Variants in EYS observed in about 807,000 individuals in gnomAD.
The protein encoded by EYS is protein eyes shut homolog.
Under a neutral mutation model 282.1 loss-of-function variants are expected in EYS, and 250 were observed. That is an observed-to-expected ratio of 0.89 (90% CI 0.80 to 0.98). EYS has a LOEUF of 0.98. Among genes scored for constraint, EYS ranks in the 50% least tolerant of loss-of-function variants. The pLI, the probability that EYS is intolerant of heterozygous loss-of-function variation, is 0.00. For synonymous variants in EYS, 1,355 were observed against 1,282.9 expected, an observed-to-expected ratio of 1.06 and a Z score of -1.20; for missense variants, 4,016 against 3,709.0, an observed-to-expected ratio of 1.08 and a Z score of -2.15.
rs781359405 is a variant in EYS at position 64,997,582 on chromosome 6, G to A, written c.2259C>T (p.Leu753=). Residue 753 remains leucine (L), a splice_region_variant and synonymous_variant, in exon 14 of 43, where the codon CTC becomes CTT. Transcript: ENST00000503581. Reference sequence around the variant, plus strand: ...ATATAAAAAGCCAGTGGATACTAACGAGATGCAGGTCTTTGCAGGTAGAAT... The same window carrying A: ...ATATAAAAAGCCAGTGGATACTAACAAGATGCAGGTCTTTGCAGGTAGAAT... ...EHNSTCKDLH[L]SYQCVCLSDW... The A allele has an allele frequency of 1.3e-4, 202 of 1,550,504 alleles. 1 individual carries two copies. The East Asian group carries it at 2.6e-3, about 20-fold the overall frequency.
intron 40 of EYS, among the ~76,000 whole-genome samples, chr6:63,775,720 T>C (rs1770048881): frequency 6.6e-6 from 1 of 152,114 alleles, no homozygotes; most frequent in Non-Finnish European, 1.5e-5. Context: ...TATTCTTATA[T>C]TGAGATTAGA....
intron 13 of EYS, among the ~76,000 whole-genome samples, chr6:65,010,242 T>C (rs566754383): frequency 1.3e-5 from 2 of 152,310 alleles, no homozygotes; most frequent in South Asian, 4.1e-4. Flanking sequence ...CCTCATGGTT[T>C]ACAGGTAGTG....
At position 65,257,591 on chromosome 6, in the gene EYS, C is replaced by T. The variant is rs199904602; in HGVS notation, c.2023+38272G>A. Among the ~76,000 whole-genome samples, 650 of 150,946 alleles carry T rather than the reference C, an allele frequency of 4.3e-3. 4 individuals are homozygous for T. The East Asian group carries it at 0.046, about 11-fold the overall frequency. ...AGATCAGATAGTTGTAGGTAAGCGG[C>T]GTTATTTCTGAGGGCTCTGTTCTGT... On this transcript the variant is annotated intron_variant, in intron 12 of 42. Transcript: ENST00000503581.
intron 35 of EYS, among the ~76,000 whole-genome samples, chr6:63,945,127 C>T (rs1271642017): frequency 6.6e-6 from 1 of 151,846 alleles, no homozygotes; most frequent in Non-Finnish European, 1.5e-5. Context: ...GAAGGAATAC[C>T]CGAGACTGGG....
At chr6:65,361,988 C>G (rs1417002427) in intron 8 of EYS, among the ~76,000 whole-genome samples, 1 of 152,048 alleles carries the variant, frequency 6.6e-6, no homozygotes, top group Non-Finnish European at 1.5e-5. Context: ...ATTTATTATT[C>G]ACAATCTGTA....
At chr6:64,174,217 G>A (rs146082492) in intron 31 of EYS, among the ~76,000 whole-genome samples, 161 of 151,950 alleles carry the variant, frequency 1.1e-3, no homozygotes, top group African/African-American at 3.8e-3. Context: ...AACTGAAAGT[G>A]AAAAAAATCT....
intron 12 of EYS, among the ~76,000 whole-genome samples, chr6:65,280,890 G>C (rs1406296712): frequency 6.8e-6 from 1 of 147,678 alleles, no homozygotes; most frequent in Non-Finnish European, 1.5e-5. Flanking sequence ...ATATAAATCA[G>C]CTGAGTGTGG....
intron 6 of EYS, 124 bp downstream of exon 6, chr6:65,405,050 G>T (rs1199793973): frequency 1.0e-5 from 7 of 686,708 alleles, no homozygotes; most frequent in Non-Finnish European, 1.7e-5. Flanking sequence ...GACCGTTCTT[G>T]TTCGTCTGAG....
intron 14 of EYS, among the ~76,000 whole-genome samples, chr6:64,980,669 G>A (rs922101526): frequency 2.0e-5 from 3 of 151,226 alleles, no homozygotes; most frequent in African/African-American, 7.3e-5. Context: ...GTTTTATGGT[G>A]AGACAATATA....
At chr6:64,151,498 C>A (rs1172850537) in intron 31 of EYS, among the ~76,000 whole-genome samples, 1 of 150,656 alleles carries the variant, frequency 6.6e-6, no homozygotes, top group Non-Finnish European at 1.5e-5. Context: ...GTAGCTGGGA[C>A]TACAGGCTTG....
chr6:64,777,641 G>A (rs922924115), intron 22 of EYS, among the ~76,000 whole-genome samples: 28 of 152,106 alleles, frequency 1.8e-4, no homozygotes, highest in Admixed American at 1.6e-3. Flanking sequence ...CACAAAGGTT[G>A]CAAGTAATGA....
At chr6:65,215,588 A>T in intron 12 of EYS, among the ~76,000 whole-genome samples, 1 of 152,222 alleles carries the variant, frequency 6.6e-6, no homozygotes, top group Non-Finnish European at 1.5e-5. Context: ...AGTTCATGAA[A>T]CCATGGCAGG....
At chr6:63,955,015 G>A (rs1324780727) in intron 35 of EYS, among the ~76,000 whole-genome samples, 1 of 152,146 alleles carries the variant, frequency 6.6e-6, no homozygotes, top group East Asian at 1.9e-4. Flanking sequence ...TTGCCCCTGT[G>A]AAGGACTGGC....
chr6:64,644,467 A>G (rs1768282081), intron 22 of EYS, among the ~76,000 whole-genome samples: 4 of 152,170 alleles, frequency 2.6e-5, no homozygotes, highest in Admixed American at 6.6e-5. Context: ...GATCATGATG[A>G]GAATGTATGA....
chr6:65,495,055 G>T lies in EYS; in HGVS notation c.356C>A (p.Thr119Lys), dbSNP rs746832536. 3.7e-6 allele frequency: 6 copies of T among 1,614,200 alleles called. No homozygotes were observed. The highest frequency in any genetic ancestry group is 5.1e-6 in the Non-Finnish European group (6 of 1,180,032). The change falls in exon 4 of 43, where the codon ACA becomes AAA. Residue 119 changes from threonine (T) to lysine (K), a missense_variant. Transcript: ENST00000503581. ...GCCAAAAAGTAACTGATCTTCCGTT[G>T]TGGTATTTTGCACACAGCCAACGAA... ...TSFVGCVQNT[T>K]TEDQLLFGCR...
At chr6:65,627,023 C>T (rs924862332) in intron 2 of EYS, among the ~76,000 whole-genome samples, 1 of 151,684 alleles carries the variant, frequency 6.6e-6, no homozygotes, top group African/African-American at 2.4e-5. Context: ...CCCTTTCTTT[C>T]TTTCTCTTTC....
At chr6:64,166,155 T>C (rs1321182105) in intron 31 of EYS, among the ~76,000 whole-genome samples, 1 of 152,230 alleles carries the variant, frequency 6.6e-6, no homozygotes, top group African/African-American at 2.4e-5. Context: ...ATACTCAAGT[T>C]GCTTCAATGC....
At chr6:63,963,560 A>T (rs1447735443) in intron 35 of EYS, among the ~76,000 whole-genome samples, 1 of 152,196 alleles carries the variant, frequency 6.6e-6, no homozygotes, top group Non-Finnish European at 1.5e-5. Flanking sequence ...TGCTCACAGG[A>T]CCGAGAGGTG....
intron 9 of EYS, among the ~76,000 whole-genome samples, chr6:65,346,390 T>A (rs1770393475): frequency 6.9e-6 from 1 of 145,256 alleles, no homozygotes; most frequent in Non-Finnish European, 1.5e-5. Context: ...AGAAGAAAAG[T>A]CATTTTACCC....
Sources: gnomAD v4.1 joint callset for allele counts (sites outside exome capture counted in the v4.1 genomes callset) on GRCh38, gnomAD v4.1.1 for gene constraint, MANE v1.5 for transcripts, NCBI Gene and HGNC (gene_info 2026-07-23, HGNC 2026-07-21) for gene names.